LSM3: variants seen among roughly 807,000 people sequenced by gnomAD.
LSM3 encodes the protein U6 snRNA-associated Sm-like protein LSm3.
A neutral mutation model predicts 15.4 loss-of-function variants in LSM3; 14 were observed. The ratio of observed to expected loss-of-function variants is 0.91; its 90% CI spans 0.60 to 1.42. The LOEUF (loss-of-function observed/expected upper bound fraction) is 1.42, where lower values mean the gene tolerates loss of function less well. Among genes scored for constraint, LSM3 ranks in the 40% most tolerant of loss-of-function variants. The probability of loss-of-function intolerance (pLI) is 0.00; values close to 1 mark genes in which losing one functional copy is unlikely to be tolerated. For synonymous variants in LSM3, 46 were observed against 45.1 expected, an observed-to-expected ratio of 1.02 and a Z score of -0.08; for missense variants, 88 against 127.9, an observed-to-expected ratio of 0.69 and a Z score of 1.50.
At position 14,198,235 on chromosome 3, in the gene LSM3, A is replaced by G; in HGVS notation, c.*119A>G. The G allele has an allele frequency of 1.4e-6, 1 of 730,566 alleles. No homozygotes were observed. The highest frequency in any genetic ancestry group is 1.7e-5 in the South Asian group (1 of 59,862). The allele number at this position is 730,566 out of a possible 1,614,324, so 45.3% of individuals were successfully genotyped here. ...TTGATATTAAGAAATAATTCCGGGG[A>G]TTCTTCCACTCCTGAAATGAGTTGA... On this transcript the variant is annotated 3_prime_UTR_variant, in exon 4 of 4. Transcript: ENST00000306024.
In LSM3 at chr3:14,198,194, G is replaced by A. The variant is rs894602061; in HGVS notation, c.*78G>A. ...CTAAAAGTACAAAACATTCATAAGAGAAACCTGCATACATTTTGATATTAA... is the reference window on the plus strand; with the variant it reads ...CTAAAAGTACAAAACATTCATAAGAAAAACCTGCATACATTTTGATATTAA... On this transcript the variant is annotated 3_prime_UTR_variant, in exon 4 of 4. Coordinates refer to ENST00000306024, the MANE Select transcript of LSM3 (RefSeq NM_014463.3). 1.9e-6 allele frequency: 2 copies of A among 1,033,722 alleles called. No homozygotes were observed. Among genetic ancestry groups the A allele is most frequent in the Non-Finnish European group, 3.0e-6 (2 of 661,462 alleles). The allele number at this position is 1,033,722 out of a possible 1,614,324, so 64.0% of individuals were successfully genotyped here. A position where few individuals can be genotyped will look rare whatever the true frequency, so the allele number is the denominator to read the frequency against.
intron 3 of LSM3, among the ~76,000 whole-genome samples, chr3:14,187,192 A>G (rs952713028): frequency 2.6e-5 from 4 of 152,154 alleles, no homozygotes; most frequent in Admixed American, 6.5e-5. Context: ...TGAAGGTGCT[A>G]TGTGTCTGTG....
intron 3 of LSM3, among the ~76,000 whole-genome samples, chr3:14,186,503 G>C (rs1430654212): frequency 1.3e-5 from 2 of 152,184 alleles, no homozygotes; most frequent in African/African-American, 4.8e-5. Context: ...TTGTAGTTCT[G>C]CTTTATCCTG....
chr3:14,200,820 GT>G lies in LSM3; in HGVS notation c.*2707del, dbSNP rs1697228301. The G allele has an allele frequency of 6.6e-6, 1 of 152,142 alleles. No individual in the cohort carries two copies. The highest frequency in any genetic ancestry group is 6.5e-5 in the Admixed American group (1 of 15,274). The allele number at this position is 152,142 out of a possible 1,614,324, so 9.4% of individuals were successfully genotyped here. ...TCTTCACACTAAGAGGCAGAAAGTG[GT>G]TTCACACACCCTTTTATTTAATCAG... On this transcript the variant is annotated 3_prime_UTR_variant, in exon 4 of 4. Coordinates refer to ENST00000306024, the MANE Select transcript of LSM3 (RefSeq NM_014463.3).
At chr3:14,187,981 C>T (rs1009858003) in intron 3 of LSM3, among the ~76,000 whole-genome samples, 8 of 152,190 alleles carry the variant, frequency 5.3e-5, no homozygotes, top group African/African-American at 1.9e-4. Context: ...TTTGGCTCAC[C>T]AGACAGTTTC....
Position 14,198,343 on chromosome 3 carries a change from C to T in LSM3, c.*227C>T. 1 of 509,228 alleles carries T rather than the reference C, an allele frequency of 2.0e-6. No homozygotes were observed. The highest frequency in any genetic ancestry group is 3.1e-5 in the East Asian group (1 of 32,214). The allele number at this position is 509,228 out of a possible 1,614,324, so 31.5% of individuals were successfully genotyped here. On this transcript the variant is annotated 3_prime_UTR_variant, in exon 4 of 4. Transcript: ENST00000306024. The stretch of plus-strand genomic sequence containing the variant: ...TCCAATAAATATGACCACCAAGATG[C>T]AGAACTCTTTCAGGACTTCTTTTGC...
In LSM3 at chr3:14,198,036, T is replaced by A; in HGVS notation, c.229T>A (p.Ser77Thr). Residue 77 changes from serine to threonine, a missense_variant and splice_region_variant, in exon 4 of 4, where the codon TCA (serine) becomes ACA (threonine). Physicochemically the swap from Ser to Thr is moderately conservative, Grantham distance 58. Coordinates refer to ENST00000306024, the MANE Select transcript of LSM3 (RefSeq NM_014463.3). The stretch of plus-strand genomic sequence containing the variant: ...TGTTCTGTTTTTTTTTCTCTTCTAG[T>A]CAACGAAACGGAATATTCCAATGCT... ...DEETYEEIYK[S>T]TKRNIPMLFV... 1.2e-6 allele frequency: 2 copies of A among 1,613,048 alleles called. No homozygotes were observed. Among genetic ancestry groups the A allele is most frequent in the Non-Finnish European group, 1.7e-6 (2 of 1,179,026 alleles).
intron 3 of LSM3, among the ~76,000 whole-genome samples, chr3:14,194,775 CTTTTTT>C (rs145805608): frequency 4.5e-5 from 4 of 88,792 alleles, no homozygotes; most frequent in African/African-American, 1.3e-4. Flanking sequence ...TTATAGCATC[CTTTTTT>C]TTTTTTTTTT....
Position 14,183,940 on chromosome 3 carries a change from T to G in LSM3, c.136T>G (p.Tyr46Asp). The change falls in exon 3 of 4, where the codon TAT becomes GAT. Residue 46 changes from tyrosine (Y) to aspartate (D), a missense_variant. Transcript: ENST00000306024. ...GTTCTGTACCCTCCCACTTTAGGCT[T>G]ATGATCAACATTTAAATATGATCTT... The part of the protein sequence containing the change: ...DRELRGRLHA[Y>D]DQHLNMILGD... 1 of 1,601,756 alleles carries G rather than the reference T, an allele frequency of 6.2e-7. No individual in the cohort carries two copies. The highest frequency in any genetic ancestry group is 8.5e-7 in the Non-Finnish European group (1 of 1,175,758).
chr3:14,185,108 T>G (rs1313677478), intron 3 of LSM3, among the ~76,000 whole-genome samples: 1 of 151,958 alleles, frequency 6.6e-6, no homozygotes, highest in African/African-American at 2.4e-5. Context: ...CCCACCACTT[T>G]GGGAGGCCAA....
At chr3:14,187,846 A>G (rs537344789) in intron 3 of LSM3, among the ~76,000 whole-genome samples, 34 of 152,260 alleles carry the variant, frequency 2.2e-4, no homozygotes, top group Non-Finnish European at 3.4e-4. Flanking sequence ...TACTCTTCTG[A>G]TTCTTGGTCC....
rs907661610 is a variant in LSM3 at position 14,200,493 on chromosome 3, T to C, written c.*2377T>C. 2 of 152,302 alleles carry C rather than the reference T, an allele frequency of 1.3e-5. No individual in the cohort carries two copies. The highest frequency in any genetic ancestry group is 2.4e-5 in the African/African-American group (1 of 41,434). 9.4% of individuals were successfully genotyped at this position (152,302 alleles called of 1,614,324 possible). A position where few individuals can be genotyped will look rare whatever the true frequency, so the allele number is the denominator to read the frequency against. ...AGCCAGCTGGATGGCAGGTGGTCAG[T>C]GGAGCTGGTGACTGGTGGTTTCTGC... On this transcript the variant is annotated 3_prime_UTR_variant, in exon 4 of 4. Transcript: ENST00000306024.
intron 3 of LSM3, among the ~76,000 whole-genome samples, chr3:14,190,262 T>G (rs926441249): frequency 6.6e-6 from 1 of 152,198 alleles, no homozygotes; most frequent in African/African-American, 2.4e-5. Context: ...TGCCCAGGAT[T>G]GCCTTGGCTA....
intron 3 of LSM3, among the ~76,000 whole-genome samples, chr3:14,196,907 CCTGT>C (rs1170062693): frequency 3.3e-5 from 5 of 152,188 alleles, no homozygotes; most frequent in Non-Finnish European, 7.3e-5. Flanking sequence ...GGGCCAGTAA[CCTGT>C]CTAAGCTCTT....
chr3:14,190,052 G>C (rs1386437871), intron 3 of LSM3, among the ~76,000 whole-genome samples: 1 of 152,164 alleles, frequency 6.6e-6, no homozygotes, highest in Non-Finnish European at 1.5e-5. Context: ...TATTAAATAG[G>C]GAATCTTTTC....
At chr3:14,190,470 T>C (rs1021946948) in intron 3 of LSM3, among the ~76,000 whole-genome samples, 19 of 152,242 alleles carry the variant, frequency 1.2e-4, no homozygotes, top group Non-Finnish European at 2.5e-4. Flanking sequence ...CTTAGTTCCT[T>C]GAGCAGTGGT....
intron 3 of LSM3, among the ~76,000 whole-genome samples, chr3:14,197,741 A>T (rs574905344): frequency 6.6e-6 from 1 of 152,306 alleles, no homozygotes; most frequent in South Asian, 2.1e-4. Context: ...TTTACTTGCC[A>T]TTGGTTAAAG....
At chr3:14,182,735 C>T (rs1476299375) in intron 2 of LSM3, among the ~76,000 whole-genome samples, 1 of 152,170 alleles carries the variant, frequency 6.6e-6, no homozygotes, top group East Asian at 1.9e-4. Flanking sequence ...TGTGATATCT[C>T]ATTTAATCTT....
At chr3:14,194,280 C>A (rs190762719) in intron 3 of LSM3, among the ~76,000 whole-genome samples, 1 of 152,148 alleles carries the variant, frequency 6.6e-6, no homozygotes, top group African/African-American at 2.4e-5. Flanking sequence ...AGAGCTCGAA[C>A]GCTGTGCTGG....
Sources: gnomAD v4.1 joint callset for allele counts (sites outside exome capture counted in the v4.1 genomes callset) on GRCh38, gnomAD v4.1.1 for gene constraint, MANE v1.5 for transcripts, NCBI Gene and HGNC (gene_info 2026-07-23, HGNC 2026-07-21) for gene names.